Variants in LETM1 observed in about 807,000 individuals in gnomAD.
LETM1 encodes mitochondrial proton/calcium exchanger protein.
A neutral mutation model predicts 74.5 loss-of-function variants in LETM1; 50 were observed. That is an observed-to-expected ratio of 0.67 (90% CI 0.53 to 0.85). The LOEUF (loss-of-function observed/expected upper bound fraction) is 0.85. Among genes scored for constraint, LETM1 ranks in the 40% least tolerant of loss-of-function variants. The pLI, the probability that LETM1 is intolerant of heterozygous loss-of-function variation, is 0.00. For synonymous variants in LETM1, 446 were observed against 407.1 expected, an observed-to-expected ratio of 1.10 and a Z score of -1.15; for missense variants, 824 against 967.8, an observed-to-expected ratio of 0.85 and a Z score of 1.97.
chr4:1,824,795 A>T (rs1176260771), intron 7 of LETM1, among the ~76,000 whole-genome samples: 2 of 152,244 alleles, frequency 1.3e-5, no homozygotes, highest in Non-Finnish European at 2.9e-5. Flanking sequence ...AGTGCTAGGG[A>T]GGTCAGCACC....
In LETM1 at chr4:1,850,807, T is replaced by TA. The variant is rs200320670; in HGVS notation, c.83-1599dup. On this transcript the variant is annotated intron_variant, in intron 1 of 13. Transcript: ENST00000302787. ...TGGTGAAACCCCATCTCCACAAAAA[T>TA]AAAAAAAAATTAGCCGGACATGATG... Among the ~76,000 whole-genome samples the TA allele has an allele frequency of 4.4e-3, 641 of 147,146 alleles. 3 individuals carry two copies. Among genetic ancestry groups the TA allele is most frequent in the African/African-American group, 0.015 (603 of 39,820 alleles).
In LETM1 at chr4:1,816,908, G is replaced by C. The variant is rs762018003; in HGVS notation, c.1750C>G (p.Gln584Glu). Residue 584 changes from glutamine (Q) to glutamate (E), a missense_variant, in exon 12 of 14, where the codon CAG (glutamine) becomes GAG (glutamate). Coordinates refer to ENST00000302787, the MANE Select transcript of LETM1 (RefSeq NM_012318.3). ...TTTGAAAGTTCCTTCTTGATCTCCT[G>C]CAAGTCCTAATAAAATTATTTTGGT... The part of the protein sequence containing the change: ...EDVQDYSEDL[Q>E]EIKKELSKTG... 5 of 1,609,492 alleles carry C rather than the reference G, an allele frequency of 3.1e-6. No individual in the cohort carries two copies. Among genetic ancestry groups the C allele is most frequent in the South Asian group, 1.1e-5 (1 of 90,586 alleles).
In LETM1 at chr4:1,852,735, T is replaced by C. The variant is rs529151002; in HGVS notation, c.82+3134A>G. On this transcript the variant is annotated intron_variant, in intron 1 of 13. Transcript: ENST00000302787. ...AGTTAAGCCTGAGCAACAGAGACCC[T>C]GTCTACAAAAATGTTAAAACATCAG... Among the ~76,000 whole-genome samples, 13 of 152,308 alleles carry C rather than the reference T, an allele frequency of 8.5e-5. No homozygotes were observed. In the South Asian group the frequency reaches 2.5e-3, roughly 29 times the overall value.
At chr4:1,846,877 C>T (rs1431973717) in intron 2 of LETM1, among the ~76,000 whole-genome samples, 1 of 152,028 alleles carries the variant, frequency 6.6e-6, no homozygotes, top group Non-Finnish European at 1.5e-5. Context: ...TGGGCTGCTA[C>T]AAGAGCTGAA....
intron 1 of LETM1, among the ~76,000 whole-genome samples, chr4:1,849,614 TG>T (rs1444579509): frequency 6.6e-6 from 1 of 152,146 alleles, no homozygotes; most frequent in Admixed American, 6.5e-5. Context: ...TGGAATGCAG[TG>T]GTACAGTCAC....
At position 1,819,320 on chromosome 4, in the gene LETM1, G is replaced by A; in HGVS notation, c.1743+18C>T. 1 of 1,597,478 alleles carries A rather than the reference G, an allele frequency of 6.3e-7. No homozygotes were observed. The highest frequency in any genetic ancestry group is 8.5e-7 in the Non-Finnish European group (1 of 1,172,976). ...CTCTTCTTGCAGTCTCAGAGTCCAG[G>A]GAGCAAATCCCACCCACCTCGCTGT... On this transcript the variant is annotated intron_variant, in intron 11 of 13. Transcript: ENST00000302787.
In LETM1 at chr4:1,815,807, G is replaced by A; in HGVS notation, c.1932-5C>T. 6.2e-7 allele frequency: 1 copy of A among 1,613,698 alleles called. No individual in the cohort carries two copies. The highest frequency in any genetic ancestry group is 1.1e-5 in the South Asian group (1 of 91,078). On this transcript the variant is annotated splice_polypyrimidine_tract_variant and splice_region_variant and intron_variant, in intron 12 of 13. Coordinates refer to ENST00000302787, the MANE Select transcript of LETM1 (RefSeq NM_012318.3). ...GCGACACTGATGACGTTCTCCCTGT[G>A]GAAGCACAGCCTGCATGTGGCCACG... is the stretch of plus-strand genomic sequence containing the variant.
chr4:1,820,201 G>GC (rs1711727503), intron 10 of LETM1, among the ~76,000 whole-genome samples: 1 of 152,214 alleles, frequency 6.6e-6, no homozygotes, highest in Non-Finnish European at 1.5e-5. Flanking sequence ...TTCCCACAGT[G>GC]CTGATATCAC....
rs1159753339 is a variant in LETM1, at chr4:1,823,433, T to TG, written c.1332+210dup. ...TGGCCAGGTCGGGACCACTGGCAAC[T>TG]GTGCCACACGGGGGATGGCAGGCAA... On this transcript the variant is annotated intron_variant, in intron 8 of 13. Transcript: ENST00000302787. Among the ~76,000 whole-genome samples the TG allele has an allele frequency of 2.7e-5, 4 of 148,368 alleles. No individual in the cohort carries two copies. The East Asian group carries it at 8.0e-4, about 30-fold the overall frequency.
chr4:1,821,692 C>T (rs774690600), intron 10 of LETM1, among the ~76,000 whole-genome samples: 3 of 152,144 alleles, frequency 2.0e-5, no homozygotes, highest in African/African-American at 4.8e-5. Context: ...TACCAGGAGG[C>T]GCCCCAGGTA....
chr4:1,819,254 G>T, intron 11 of LETM1, 84 bp downstream of exon 11: 4 of 1,331,730 alleles, frequency 3.0e-6, no homozygotes, highest in Non-Finnish European at 4.1e-6. Context: ...GTATCTGACG[G>T]AAGTATTATG....
At chr4:1,818,977 G>A (rs566448601) in intron 11 of LETM1, among the ~76,000 whole-genome samples, 2 of 151,696 alleles carry the variant, frequency 1.3e-5, no homozygotes, top group East Asian at 2.0e-4. Flanking sequence ...TCATCCACTC[G>A]GGAGGCTGAG....
rs567113506 is a variant in LETM1, at chr4:1,816,624, A to G, written c.1931+103T>C. On this transcript the variant is annotated intron_variant, in intron 12 of 13. Coordinates refer to ENST00000302787, the MANE Select transcript of LETM1 (RefSeq NM_012318.3). The stretch of plus-strand genomic sequence containing the variant: ...GAGAGGCAGCCAGGCAGAGGCTACA[A>G]TGTGCCCTTTGGAGCCAGAAGGGCC... 6.6e-4 allele frequency: 745 copies of G among 1,129,188 alleles called. 11 individuals carry two copies. In the South Asian group the frequency reaches 0.01, roughly 16 times the overall value. The allele number at this position is 1,129,188 out of a possible 1,614,324, so 69.9% of individuals were successfully genotyped here. A position where few individuals can be genotyped will look rare whatever the true frequency, so the allele number is the denominator to read the frequency against.
chr4:1,841,409 C>T lies in LETM1; in HGVS notation c.532G>A (p.Ala178Thr), dbSNP rs1192354329. ...AGGATGCGCCAGAGCATGCGTGCCG[C>T]GATCTTGGTGTCGATCCATAGCAGG... ...FRLLWIDTKI[A>T]ARMLWRILNG... Residue 178 changes from alanine to threonine, a missense_variant, in exon 3 of 14, where the codon GCG becomes ACG. Ala to Thr is a moderately conservative substitution (Grantham distance 58, BLOSUM62 0). Around this residue, in one of 4 missense-constraint regions of LETM1, gnomAD observed 269 missense variants for 348.8 expected, o/e 0.77. Transcript: ENST00000302787. 9.9e-6 allele frequency: 16 copies of T among 1,614,024 alleles called. No homozygotes were observed. The highest frequency in any genetic ancestry group is 3.3e-5 in the South Asian group (3 of 91,086).
In LETM1 at chr4:1,811,657, AGAG is replaced by A. The variant is rs1228747742; in HGVS notation, c.*2764_*2766del. 2 of 152,246 alleles carry A rather than the reference AGAG, an allele frequency of 1.3e-5. No homozygotes were observed. The highest frequency in any genetic ancestry group is 2.9e-5 in the Non-Finnish European group (2 of 68,066). 9.4% of individuals were successfully genotyped at this position (152,246 alleles called of 1,614,324 possible). Reference sequence around the variant, plus strand: ...ACCGGGACCCACTGCGAACAAAGACAGAGCCGGCTCCCCAGCACGCTCCTGCTA... The same window carrying A: ...ACCGGGACCCACTGCGAACAAAGACACCGGCTCCCCAGCACGCTCCTGCTA... On this transcript the variant is annotated 3_prime_UTR_variant, in exon 14 of 14. Coordinates refer to ENST00000302787, the MANE Select transcript of LETM1 (RefSeq NM_012318.3).
chr4:1,819,807 AC>A (rs1435214337), intron 10 of LETM1, among the ~76,000 whole-genome samples: 1 of 152,280 alleles, frequency 6.6e-6, no homozygotes, highest in East Asian at 1.9e-4. Context: ...CCCCCAGGCA[AC>A]CTCAGGTCCT....
In LETM1 at chr4:1,814,591, GGA is replaced by G; in HGVS notation, c.2071-20_2071-19del. 2 of 1,611,074 alleles carry G rather than the reference GGA, an allele frequency of 1.2e-6. No homozygotes were observed. The highest frequency in any genetic ancestry group is 8.5e-7 in the Non-Finnish European group (1 of 1,178,132). On this transcript the variant is annotated intron_variant, in intron 13 of 13. Coordinates refer to ENST00000302787, the MANE Select transcript of LETM1 (RefSeq NM_012318.3). Reference sequence around the variant, plus strand: ...TCAATCACCTACACACGTGGGAAAGGGAGAGGCTCAGGTGGCTGCGCCCTACA... The same window carrying G: ...TCAATCACCTACACACGTGGGAAAGGGAGGCTCAGGTGGCTGCGCCCTACA...
chr4:1,824,651 T>C (rs1234714899), intron 7 of LETM1, among the ~76,000 whole-genome samples: 1 of 151,392 alleles, frequency 6.6e-6, no homozygotes, highest in Non-Finnish European at 1.5e-5. Flanking sequence ...TGTGAACACA[T>C]GACACTCGGG....
Position 1,823,148 on chromosome 4 carries a change from A to C in LETM1, c.1333-17T>G, listed in dbSNP as rs1711849276. On this transcript the variant is annotated splice_polypyrimidine_tract_variant and intron_variant, in intron 8 of 13. Transcript: ENST00000302787. ...TTCCTTTGCCTTCAGAAGAGGGTAC[A>C]TCTGTGGGTGAGCCCAGAAGCCACC... 2.6e-6 allele frequency: 4 copies of C among 1,567,934 alleles called. No homozygotes were observed. The highest frequency in any genetic ancestry group is 3.5e-6 in the Non-Finnish European group (4 of 1,152,548).
Sources: gnomAD v4.1 joint callset for allele counts (sites outside exome capture counted in the v4.1 genomes callset) on GRCh38, gnomAD v4.1.1 for gene constraint, gnomAD v4.1.1 regional missense constraint, MANE v1.5 for transcripts, NCBI Gene and HGNC (gene_info 2026-07-23, HGNC 2026-07-21) for gene names.